Variants in GRID2 observed in about 807,000 individuals in gnomAD.
GRID2 encodes the protein glutamate receptor ionotropic, delta-2.
Under a neutral mutation model 114.8 loss-of-function variants are expected in GRID2, and 33 were observed. The observed-to-expected ratio is 0.29, with a 90% CI of 0.22 to 0.38. The LOEUF is 0.38. GRID2 is among the 10% of genes least tolerant of loss of function. The pLI, the probability that GRID2 is intolerant of heterozygous loss-of-function variation, is 1.00. For synonymous variants in GRID2, 505 were observed against 449.9 expected, an observed-to-expected ratio of 1.12 and a Z score of -1.55; for missense variants, 1,184 against 1,257.7, an observed-to-expected ratio of 0.94 and a Z score of 0.89.
intron 10 of GRID2, among the ~76,000 whole-genome samples, chr4:93,453,341 A>AAAGG (rs1447446334): frequency 1.6e-4 from 24 of 151,058 alleles, no homozygotes; most frequent in African/African-American, 5.3e-4. Flanking sequence ...AGAGAGAGAG[A>AAAGG]GAGAGAGAGA....
intron 1 of GRID2, among the ~76,000 whole-genome samples, chr4:92,508,253 A>G (rs1486078686): frequency 6.6e-6 from 1 of 151,928 alleles, no homozygotes. Flanking sequence ...TATTGATTCA[A>G]TTAACACATA....
intron 14 of GRID2, among the ~76,000 whole-genome samples, chr4:93,627,490 T>C (rs1296763894): frequency 3.9e-5 from 6 of 152,206 alleles, no homozygotes; most frequent in Admixed American, 6.5e-5. Flanking sequence ...AGATTAATTC[T>C]AAGGTCCTGT....
Position 93,611,042 on chromosome 4 carries a change from G to T in GRID2, c.2194-15227G>T. ...TCAACTTCTTCCTGGTTTAGTCTTG[G>T]GAGAGTGTATGTGTCAAGGAATTTA... On this transcript the variant is annotated intron_variant, in intron 13 of 15. Coordinates refer to ENST00000282020, the MANE Select transcript of GRID2 (RefSeq NM_001510.4). Among the ~76,000 whole-genome samples the T allele has an allele frequency of 1.6e-5, 2 of 127,900 alleles. 1 individual carries two copies. Among genetic ancestry groups the T allele is most frequent in the East Asian group, 4.2e-4 (2 of 4,754 alleles). The allele number at this position is 127,900 out of a possible 152,430, so 83.9% of individuals were successfully genotyped here.
chr4:93,737,705 T>G (rs1007495522), intron 14 of GRID2, among the ~76,000 whole-genome samples: 4 of 152,130 alleles, frequency 2.6e-5, no homozygotes, highest in African/African-American at 9.7e-5. Context: ...ATCGAAAGAT[T>G]CCATCTCTCA....
intron 7 of GRID2, among the ~76,000 whole-genome samples, chr4:93,230,711 A>AAAT (rs1746029469): frequency 6.6e-6 from 1 of 151,350 alleles, no homozygotes; most frequent in African/African-American, 2.4e-5. Flanking sequence ...ACCATTTACC[A>AAAT]TTTTTCTTGT....
At chr4:92,355,994 C>A (rs192330933) in intron 1 of GRID2, among the ~76,000 whole-genome samples, 85 of 151,810 alleles carry the variant, frequency 5.6e-4, no homozygotes, top group African/African-American at 1.9e-3. Context: ...AACTAAAATG[C>A]TAAATAAAAT....
chr4:93,350,972 C>T (rs1760740702), intron 8 of GRID2, among the ~76,000 whole-genome samples: 1 of 151,986 alleles, frequency 6.6e-6, no homozygotes, highest in Non-Finnish European at 1.5e-5. Context: ...AAAGGCACAT[C>T]TTACATGGAG....
chr4:93,509,286 A>G (rs4557232), intron 12 of GRID2, among the ~76,000 whole-genome samples: 41,524 of 152,008 alleles, frequency 0.27, 6,059 homozygotes, highest in East Asian at 0.47. Context: ...CAGATTTACA[A>G]AATTTAGGAG....
At chr4:93,677,462 G>A (rs1475425600) in intron 14 of GRID2, among the ~76,000 whole-genome samples, 2 of 152,144 alleles carry the variant, frequency 1.3e-5, no homozygotes, top group East Asian at 1.9e-4. Context: ...ATCTGAGAAC[G>A]GGCAGACTGC....
At chr4:92,970,614 A>T (rs1418541398) in intron 2 of GRID2, among the ~76,000 whole-genome samples, 1 of 151,990 alleles carries the variant, frequency 6.6e-6, no homozygotes, top group Non-Finnish European at 1.5e-5. Flanking sequence ...TGATATCATA[A>T]ACATCAAAAA....
At chr4:92,548,873 G>A (rs1418531607) in intron 1 of GRID2, among the ~76,000 whole-genome samples, 2 of 151,940 alleles carry the variant, frequency 1.3e-5, no homozygotes, top group African/African-American at 4.8e-5. Context: ...TAAAGAAAGG[G>A]CAAGGTACCA....
intron 1 of GRID2, among the ~76,000 whole-genome samples, chr4:92,420,663 A>C (rs1454222670): frequency 2.0e-5 from 3 of 152,032 alleles, no homozygotes; most frequent in African/African-American, 7.2e-5. Flanking sequence ...CATGGACATC[A>C]CCCACACTGA....
At chr4:93,350,513 T>C (rs935731873) in intron 8 of GRID2, among the ~76,000 whole-genome samples, 10 of 152,112 alleles carry the variant, frequency 6.6e-5, no homozygotes, top group African/African-American at 2.4e-4. Flanking sequence ...CCAAGCTTTA[T>C]AATTATTTTG....
At chr4:92,532,208 G>A (rs1409084309) in intron 1 of GRID2, among the ~76,000 whole-genome samples, 1 of 152,100 alleles carries the variant, frequency 6.6e-6, no homozygotes, top group African/African-American at 2.4e-5. Context: ...TGGTTTACAG[G>A]AATACTCCTA....
intron 2 of GRID2, among the ~76,000 whole-genome samples, chr4:92,957,253 CTA>C (rs1752473086): frequency 6.6e-6 from 1 of 151,386 alleles, no homozygotes; most frequent in Non-Finnish European, 1.5e-5. Context: ...ATTTTTTTTT[CTA>C]TGTTATGTTG....
At chr4:93,614,122 T>C (rs907236000) in intron 13 of GRID2, among the ~76,000 whole-genome samples, 1 of 152,208 alleles carries the variant, frequency 6.6e-6, no homozygotes. Flanking sequence ...GGGAACTCCC[T>C]GACCCCTTGC....
intron 14 of GRID2, among the ~76,000 whole-genome samples, chr4:93,712,984 C>A (rs144628095): frequency 6.6e-5 from 10 of 152,212 alleles, no homozygotes; most frequent in Admixed American, 5.9e-4. Context: ...TACCTCCCAC[C>A]TGGCCAATTT....
chr4:93,561,510 C>T (rs1430322936), intron 13 of GRID2, among the ~76,000 whole-genome samples: 1 of 152,056 alleles, frequency 6.6e-6, no homozygotes, highest in African/African-American at 2.4e-5. Context: ...GTATATTTGT[C>T]GTAATTAATG....
chr4:92,414,631 G>T (rs190774016), intron 1 of GRID2, among the ~76,000 whole-genome samples: 103 of 152,220 alleles, frequency 6.8e-4, no homozygotes, highest in African/African-American at 2.3e-3. Context: ...CAAACATATG[G>T]TTGTGGACAG....
Sources: allele counts gnomAD v4.1 joint callset (sites outside exome capture counted in the v4.1 genomes callset), GRCh38; gene constraint gnomAD v4.1.1; transcripts MANE v1.5; gene names NCBI Gene and HGNC (gene_info 2026-07-23, HGNC 2026-07-21).